Variants in ZFYVE16 observed in about 807,000 individuals in gnomAD.
ZFYVE16 encodes the protein zinc finger FYVE domain-containing protein 16.
ZFYVE16 carries 89 observed loss-of-function variants against 138.1 expected under a neutral mutation model. That is an observed-to-expected ratio of 0.64 (90% CI 0.54 to 0.77). ZFYVE16 has a LOEUF of 0.77. ZFYVE16 is among the 30% of genes least tolerant of loss of function. The pLI, the probability that ZFYVE16 is intolerant of heterozygous loss-of-function variation, is 0.00. For missense variants in ZFYVE16, 1,793 were observed against 1,786.7 expected, an observed-to-expected ratio of 1.00 and a Z score of -0.06; for synonymous variants, 596 against 618.3, an observed-to-expected ratio of 0.96 and a Z score of 0.53.
At chr5:80,458,048 A>T (rs894557968) in intron 14 of ZFYVE16, among the ~76,000 whole-genome samples, 7 of 151,676 alleles carry the variant, frequency 4.6e-5, no homozygotes, top group Non-Finnish European at 7.4e-5. Context: ...AAAAAAAAAA[A>T]AAAAAGGTGG....
intron 7 of ZFYVE16, 130 bp downstream of exon 7, chr5:80,445,535 A>G (rs1304914935): frequency 1.3e-6 from 1 of 756,906 alleles, no homozygotes; most frequent in Non-Finnish European, 2.0e-6. Context: ...AGATGTATTG[A>G]TATAGTGAAT....
At chr5:80,449,100 C>T (rs775570021) in intron 8 of ZFYVE16, among the ~76,000 whole-genome samples, 2 of 151,922 alleles carry the variant, frequency 1.3e-5, no homozygotes, top group Non-Finnish European at 2.9e-5. Context: ...CTTTGTATGC[C>T]ATGCATATCT....
chr5:80,445,140 C>T, intron 6 of ZFYVE16, 123 bp from the exon 7 acceptor site: 1 of 1,020,696 alleles, frequency 9.8e-7, no homozygotes, highest in Non-Finnish European at 1.4e-6. Context: ...CTTTGTAGCC[C>T]TGAGAATTCA....
chr5:80,475,002 A>T (rs1283164118), intron 18 of ZFYVE16, among the ~76,000 whole-genome samples, 172 bp downstream of exon 18: 1 of 152,252 alleles, frequency 6.6e-6, no homozygotes, highest in Non-Finnish European at 1.5e-5. Context: ...GGGGTCAGCA[A>T]ACTGTTTTTG....
chr5:80,449,918 C>A (rs1751803589), intron 9 of ZFYVE16, among the ~76,000 whole-genome samples: 2 of 152,078 alleles, frequency 1.3e-5, no homozygotes, highest in African/African-American at 4.8e-5. Context: ...TTATTAGCAT[C>A]CCTGTCAATC....
chr5:80,442,928 A>G, intron 5 of ZFYVE16, 195 bp from the exon 6 acceptor site: 2 of 513,422 alleles, frequency 3.9e-6, no homozygotes, highest in Non-Finnish European at 6.7e-6. Flanking sequence ...AGCTTATCAA[A>G]GTGGCATGCT....
chr5:80,450,368 T>C (rs1161695579), intron 9 of ZFYVE16, 63 bp from the exon 10 acceptor site: 5 of 1,503,506 alleles, frequency 3.3e-6, no homozygotes, highest in Non-Finnish European at 4.6e-6. Flanking sequence ...GCAAAAACAA[T>C]TGTTCTTAGT....
At chr5:80,428,032 C>G (rs1020572831) in intron 2 of ZFYVE16, among the ~76,000 whole-genome samples, 6 of 148,548 alleles carry the variant, frequency 4.0e-5, no homozygotes, top group African/African-American at 1.5e-4. Context: ...GGAACAGCTC[C>G]AGTCTACAGC....
At chr5:80,454,509 CT>C (rs1270643829) in intron 11 of ZFYVE16, 290 of 141,766 alleles carry the variant, frequency 2.0e-3, no homozygotes, top group Middle Eastern at 3.7e-3. Flanking sequence ...CTGTATATTC[CT>C]TTTTTTTTTT....
intron 15 of ZFYVE16, among the ~76,000 whole-genome samples, chr5:80,466,342 C>G: frequency 6.6e-6 from 1 of 152,160 alleles, no homozygotes. Flanking sequence ...TTTTCAAATT[C>G]ACAAATTCTT....
In ZFYVE16 at chr5:80,481,780, C is replaced by T. The variant is rs1374780339; in HGVS notation, c.*4403C>T. 6.6e-6 allele frequency among the ~76,000 whole-genome samples: 1 copy of T among 152,070 alleles called. No individual in the cohort carries two copies. Among genetic ancestry groups the T allele is most frequent in the African/African-American group, 2.4e-5 (1 of 41,404 alleles). ...GAACAAGAGCCAACTCTAAGGTTAC[C>T]CAAATGTCAGAATTATCAGAAAAAG... On this transcript the variant is annotated 3_prime_UTR_variant, in exon 19 of 19. Transcript: ENST00000505560.
Position 80,472,828 on chromosome 5 carries a change from A to C in ZFYVE16, c.4092A>C (p.Lys1364Asn), listed in dbSNP as rs1289906487. 6 of 1,614,062 alleles carry C rather than the reference A, an allele frequency of 3.7e-6. No homozygotes were observed. Among genetic ancestry groups the C allele is most frequent in the Non-Finnish European group, 5.1e-6 (6 of 1,179,982 alleles). Reference protein sequence around the residue: ...NGLRLALREQKDFKITCGKVD... With the variant: ...NGLRLALREQNDFKITCGKVD... ...TGCGGCTAGCTTTACGAGAACAGAA[A>C]GACTTTAAAATTACATGTGGGAAAG... The change falls in exon 16 of 19, where the codon AAA becomes AAC. Residue 1364 changes from lysine to asparagine, a missense_variant. By Grantham distance (94) the Lys-to-Asn change is moderately conservative. Transcript: ENST00000505560.
chr5:80,472,562 T>G (rs151151332), intron 15 of ZFYVE16, among the ~76,000 whole-genome samples, 199 bp from the exon 16 acceptor site: 928 of 68,404 alleles, frequency 0.014, 9 homozygotes, highest in African/African-American at 0.025. Context: ...AAATTCTCTT[T>G]GTTTTAACCT....
chr5:80,453,461 A>T (rs751779857), intron 11 of ZFYVE16, among the ~76,000 whole-genome samples: 2 of 152,186 alleles, frequency 1.3e-5, no homozygotes, highest in Non-Finnish European at 1.5e-5. Flanking sequence ...GTACTTCTAG[A>T]TAGTAAGTTT....
chr5:80,422,798 T>C (rs1747423260), intron 1 of ZFYVE16, among the ~76,000 whole-genome samples: 1 of 152,182 alleles, frequency 6.6e-6, no homozygotes, highest in Non-Finnish European at 1.5e-5. Flanking sequence ...TATATATGTC[T>C]TCCTTAGTTT....
Position 80,477,649 on chromosome 5 carries a change from G to T in ZFYVE16, c.*272G>T. Reference sequence around the variant, plus strand: ...TTTTAAGAAATTTATAGCATTTACTGTGTTATTTAAATGCTAAGCCAAAGT... The same window carrying T: ...TTTTAAGAAATTTATAGCATTTACTTTGTTATTTAAATGCTAAGCCAAAGT... On this transcript the variant is annotated 3_prime_UTR_variant, in exon 19 of 19. Coordinates refer to ENST00000505560, the MANE Select transcript of ZFYVE16 (RefSeq NM_001284236.3). 3.9e-6 allele frequency: 1 copy of T among 253,348 alleles called. No homozygotes were observed. Among genetic ancestry groups the T allele is most frequent in the Non-Finnish European group, 7.4e-6 (1 of 135,756 alleles). 15.7% of individuals were successfully genotyped at this position (253,348 alleles called of 1,614,324 possible). A position where few individuals can be genotyped will look rare whatever the true frequency, so the allele number is the denominator to read the frequency against.
At chr5:80,415,039 T>C (rs568250385) in intron 1 of ZFYVE16, among the ~76,000 whole-genome samples, 14 of 152,296 alleles carry the variant, frequency 9.2e-5, no homozygotes, top group South Asian at 6.2e-4. Context: ...TTCCCTCCCT[T>C]CCTTCTTTCT....
At chr5:80,440,126 G>A (rs1274438526) in intron 5 of ZFYVE16, 94 bp downstream of exon 5, 1 of 1,430,970 alleles carries the variant, frequency 7.0e-7, no homozygotes, top group Non-Finnish European at 9.2e-7. Flanking sequence ...ATTTTCTTAA[G>A]GCAAGGACCT....
At chr5:80,454,124 A>G (rs1752265938) in intron 11 of ZFYVE16, 1 of 152,172 alleles carries the variant, frequency 6.6e-6, no homozygotes, top group Non-Finnish European at 1.5e-5. Flanking sequence ...CAAATAACTT[A>G]GTTGCCTTTT....
Sources: allele counts gnomAD v4.1 joint callset (sites outside exome capture counted in the v4.1 genomes callset), GRCh38; gene constraint gnomAD v4.1.1; transcripts MANE v1.5; gene names NCBI Gene and HGNC (gene_info 2026-07-23, HGNC 2026-07-21).